Variants in SNX29 observed in about 807,000 individuals in gnomAD.
The protein encoded by SNX29 is sorting nexin 29.
Under a neutral mutation model 102.1 loss-of-function variants are expected in SNX29, and 78 were observed. The observed-to-expected ratio is 0.76, with a 90% CI of 0.64 to 0.92. The LOEUF is 0.92. Among genes scored for constraint, SNX29 ranks in the 40% least tolerant of loss-of-function variants. The probability of loss-of-function intolerance (pLI) is 0.00; values close to 1 mark genes in which losing one functional copy is unlikely to be tolerated. For missense variants in SNX29, 1,280 were observed against 1,061.7 expected, an observed-to-expected ratio of 1.21 and a Z score of -2.86; for synonymous variants, 580 against 414.5, an observed-to-expected ratio of 1.40 and a Z score of -4.85.
rs556676191 is a variant in SNX29, at chr16:12,148,067, C to T, written c.1595+18309C>T. On this transcript the variant is annotated intron_variant, in intron 13 of 20. Coordinates refer to ENST00000566228, the MANE Select transcript of SNX29 (RefSeq NM_032167.5). ...AGCCGAAGCAAAGATGTGTGAGACTCGTACCTGCTGCTGCTCAGCTCCAGC... is the reference window on the plus strand; with the variant it reads ...AGCCGAAGCAAAGATGTGTGAGACTTGTACCTGCTGCTGCTCAGCTCCAGC... Among the ~76,000 whole-genome samples the T allele has an allele frequency of 3.3e-5, 5 of 152,310 alleles. No homozygotes were observed. The East Asian group carries it at 7.7e-4, about 23-fold the overall frequency.
intron 14 of SNX29, among the ~76,000 whole-genome samples, chr16:12,246,770 A>C (rs2142345282): frequency 6.6e-6 from 1 of 152,360 alleles, no homozygotes; most frequent in African/African-American, 2.4e-5. Context: ...ACCCGGGCCC[A>C]CAGCAGTCAC....
At chr16:12,464,909 C>T (rs1422023497) in intron 18 of SNX29, among the ~76,000 whole-genome samples, 3 of 152,234 alleles carry the variant, frequency 2.0e-5, no homozygotes, top group Non-Finnish European at 4.4e-5. Context: ...CCCTCACCAA[C>T]ACTTGTCTCT....
At chr16:12,377,429 C>T (rs948248471) in intron 16 of SNX29, among the ~76,000 whole-genome samples, 2 of 152,148 alleles carry the variant, frequency 1.3e-5, no homozygotes, top group African/African-American at 4.8e-5. Context: ...AGCTTCCACC[C>T]AGAAATTACA....
intron 18 of SNX29, among the ~76,000 whole-genome samples, chr16:12,412,312 A>G (rs2084432666): frequency 6.6e-6 from 1 of 152,210 alleles, no homozygotes; most frequent in Non-Finnish European, 1.5e-5. Flanking sequence ...GATCTGCCTC[A>G]TGCCTCTGTC....
chr16:12,114,739 A>C (rs2053628189), intron 11 of SNX29, among the ~76,000 whole-genome samples: 1 of 150,838 alleles, frequency 6.6e-6, no homozygotes, highest in Non-Finnish European at 1.5e-5. Context: ...GGTGCCCCCC[A>C]CCATGCCTGG....
intron 13 of SNX29, among the ~76,000 whole-genome samples, chr16:12,170,164 T>G (rs1304972602): frequency 6.6e-6 from 1 of 152,034 alleles, no homozygotes; most frequent in African/African-American, 2.4e-5. Flanking sequence ...CAGTGTCCCC[T>G]GGGGTTGAAA....
chr16:12,563,331 G>C (rs1045442385), intron 20 of SNX29, among the ~76,000 whole-genome samples: 2 of 152,204 alleles, frequency 1.3e-5, no homozygotes, highest in Admixed American at 1.3e-4. Context: ...AGTCACCGTC[G>C]AGGAGTGGCC....
In SNX29 at chr16:12,003,089, G is replaced by T. The variant is rs2056345418; in HGVS notation, c.122+46G>T. 1.9e-6 allele frequency: 3 copies of T among 1,609,724 alleles called. No homozygotes were observed. In the South Asian group the frequency reaches 3.3e-5, roughly 18 times the overall value. On this transcript the variant is annotated intron_variant, in intron 3 of 20. Transcript: ENST00000566228. The stretch of plus-strand genomic sequence containing the variant: ...ACCGTTGACCATCGAGGTTGGAAAG[G>T]CGGCAGAAGGTGGCCGGCTTCTAAA...
intron 16 of SNX29, among the ~76,000 whole-genome samples, chr16:12,361,213 T>C (rs892248511): frequency 3.9e-5 from 6 of 152,312 alleles, no homozygotes; most frequent in Non-Finnish European, 8.8e-5. Context: ...GCCTCTCTGT[T>C]GTCCCTGCCC....
At chr16:12,394,414 C>T (rs1023219665) in intron 16 of SNX29, among the ~76,000 whole-genome samples, 7 of 152,194 alleles carry the variant, frequency 4.6e-5, no homozygotes, top group Non-Finnish European at 8.8e-5. Flanking sequence ...CTACTTACTA[C>T]CTGAAGGACC....
intron 18 of SNX29, among the ~76,000 whole-genome samples, chr16:12,420,369 G>A: frequency 6.6e-6 from 1 of 152,090 alleles, no homozygotes; most frequent in East Asian, 1.9e-4. Flanking sequence ...TGTCACATGT[G>A]AAGATAATGC....
At chr16:12,273,577 C>T (rs58408658) in intron 14 of SNX29, among the ~76,000 whole-genome samples, 187 of 152,188 alleles carry the variant, frequency 1.2e-3, no homozygotes, top group African/African-American at 4.4e-3. Flanking sequence ...CAGCTGGTCT[C>T]GAACACTTGA....
intron 14 of SNX29, among the ~76,000 whole-genome samples, chr16:12,226,662 C>T (rs1339937160): frequency 6.6e-6 from 1 of 151,438 alleles, no homozygotes; most frequent in Non-Finnish European, 1.5e-5. Context: ...CAACCTCTGC[C>T]TCCTGGGTTC....
intron 18 of SNX29, among the ~76,000 whole-genome samples, chr16:12,460,168 A>G (rs2086718628): frequency 6.6e-6 from 1 of 152,134 alleles, no homozygotes; most frequent in Non-Finnish European, 1.5e-5. Flanking sequence ...TTCTCACAAG[A>G]GCTGTTTTGC....
At chr16:12,222,134 A>G (rs2077495339) in intron 14 of SNX29, among the ~76,000 whole-genome samples, 2 of 152,318 alleles carry the variant, frequency 1.3e-5, no homozygotes, top group East Asian at 1.9e-4. Context: ...TGCTATTACG[A>G]TCTTCATTCT....
chr16:12,434,669 C>T lies in SNX29; in HGVS notation c.2037+31140C>T, dbSNP rs1348472189. Among the ~76,000 whole-genome samples, 4 of 152,182 alleles carry T rather than the reference C, an allele frequency of 2.6e-5. No homozygotes were observed. In the South Asian group the frequency reaches 6.2e-4, roughly 24 times the overall value. ...CTAGGGACCCGCCAACACCCCTGCA[C>T]AACGGCTGGGGGCTTTCTTAACTTC... is the stretch of plus-strand genomic sequence containing the variant. On this transcript the variant is annotated intron_variant, in intron 18 of 20. Coordinates refer to ENST00000566228, the MANE Select transcript of SNX29 (RefSeq NM_032167.5).
chr16:12,001,795 A>C (rs761662762), intron 2 of SNX29, among the ~76,000 whole-genome samples: 10 of 152,108 alleles, frequency 6.6e-5, no homozygotes, highest in Non-Finnish European at 1.3e-4. Context: ...GGGCAGGAGG[A>C]TATCTTGAGG....
intron 15 of SNX29, among the ~76,000 whole-genome samples, chr16:12,308,560 A>G (rs1315914926): frequency 1.3e-5 from 2 of 151,560 alleles, no homozygotes; most frequent in African/African-American, 4.9e-5. Context: ...CTTGTTGTGC[A>G]CTCCTCCGGA....
At chr16:12,339,244 G>T (rs1280240676) in intron 15 of SNX29, among the ~76,000 whole-genome samples, 3 of 152,004 alleles carry the variant, frequency 2.0e-5, no homozygotes, top group Non-Finnish European at 4.4e-5. Flanking sequence ...GGTGGCGCAT[G>T]CCTGTAATCC....
Sources: allele counts gnomAD v4.1 joint callset (sites outside exome capture counted in the v4.1 genomes callset), GRCh38; gene constraint gnomAD v4.1.1; transcripts MANE v1.5; gene names NCBI Gene and HGNC (gene_info 2026-07-23, HGNC 2026-07-21).